The following KIF16B variants were observed in gnomAD, a reference collection of about 807,000 sequenced individuals.
KIF16B encodes the protein kinesin family member 16B.
KIF16B carries 98 observed loss-of-function variants against 156.3 expected under a neutral mutation model. That is an observed-to-expected ratio of 0.63 (90% CI 0.53 to 0.74). The LOEUF is 0.74. Among genes scored for constraint, KIF16B ranks in the 30% least tolerant of loss-of-function variants. KIF16B has a pLI of 0.00. For synonymous variants in KIF16B, 564 were observed against 583.7 expected, an observed-to-expected ratio of 0.97 and a Z score of 0.49; for missense variants, 1,421 against 1,606.5, an observed-to-expected ratio of 0.88 and a Z score of 1.97.
At chr20:16,563,749 C>A (rs999503653) in intron 1 of KIF16B, among the ~76,000 whole-genome samples, 9 of 152,182 alleles carry the variant, frequency 5.9e-5, no homozygotes, top group Non-Finnish European at 1.2e-4. Flanking sequence ...AAGTTTAAAA[C>A]CAAATTATGT....
intron 17 of KIF16B, among the ~76,000 whole-genome samples, chr20:16,386,717 G>A (rs2065239163): frequency 6.6e-6 from 1 of 152,012 alleles, no homozygotes; most frequent in Admixed American, 6.6e-5. Context: ...GGCAGGAAAG[G>A]AAAGGGTAGC....
At chr20:16,353,553 C>A (rs978606897) in intron 23 of KIF16B, among the ~76,000 whole-genome samples, 12 of 152,152 alleles carry the variant, frequency 7.9e-5, no homozygotes, top group Non-Finnish European at 1.2e-4. Flanking sequence ...CATACAAACT[C>A]ATCCACTCCT....
At chr20:16,314,489 G>A (rs1276766149) in intron 24 of KIF16B, among the ~76,000 whole-genome samples, 1 of 152,170 alleles carries the variant, frequency 6.6e-6, no homozygotes, top group African/African-American at 2.4e-5. Flanking sequence ...CCAATGTTTA[G>A]TTGGCTGACA....
At chr20:16,474,710 G>A (rs2067761498) in intron 12 of KIF16B, among the ~76,000 whole-genome samples, 1 of 152,138 alleles carries the variant, frequency 6.6e-6, no homozygotes, top group Non-Finnish European at 1.5e-5. Flanking sequence ...AAAACCATAA[G>A]GGAGAGACCA....
At chr20:16,403,837 T>C (rs1387674015) in intron 17 of KIF16B, among the ~76,000 whole-genome samples, 2 of 152,166 alleles carry the variant, frequency 1.3e-5, no homozygotes, top group Non-Finnish European at 2.9e-5. Flanking sequence ...GCTTGATGTT[T>C]GTGAGAAATC....
chr20:16,553,889 C>T (rs1447175534), intron 1 of KIF16B, among the ~76,000 whole-genome samples: 4 of 152,186 alleles, frequency 2.6e-5, no homozygotes. Context: ...CCTGCACTGT[C>T]GCAGCCCAGC....
intron 16 of KIF16B, 96 bp from the exon 17 acceptor site, chr20:16,404,997 T>C (rs1397382547): frequency 7.5e-6 from 6 of 805,264 alleles, no homozygotes; most frequent in Non-Finnish European, 1.3e-5. Context: ...GACAATGAGG[T>C]GCACATGCTC....
chr20:16,412,513 T>A (rs1182649774), intron 15 of KIF16B, among the ~76,000 whole-genome samples: 1 of 152,170 alleles, frequency 6.6e-6, no homozygotes, highest in Non-Finnish European at 1.5e-5. Context: ...TGACTCACAG[T>A]TCAGCATAGC....
intron 15 of KIF16B, among the ~76,000 whole-genome samples, chr20:16,410,388 C>T (rs2065924567): frequency 6.7e-6 from 1 of 150,224 alleles, no homozygotes. Flanking sequence ...CACACATATA[C>T]AGGTTGACTA....
chr20:16,353,110 C>T (rs1265110022), intron 23 of KIF16B, among the ~76,000 whole-genome samples: 4 of 151,988 alleles, frequency 2.6e-5, no homozygotes, highest in Non-Finnish European at 4.4e-5. Flanking sequence ...GTTAAATCTC[C>T]CTTCAAAAAA....
chr20:16,276,549 C>T (rs567558314), intron 25 of KIF16B, among the ~76,000 whole-genome samples: 9 of 152,266 alleles, frequency 5.9e-5, no homozygotes, highest in East Asian at 3.9e-4. Context: ...GCTTCCTTGG[C>T]GCAAAGAAAT....
chr20:16,314,748 C>A (rs2063671636), intron 24 of KIF16B, among the ~76,000 whole-genome samples: 1 of 152,176 alleles, frequency 6.6e-6, no homozygotes, highest in Non-Finnish European at 1.5e-5. Flanking sequence ...GAGCAAGTGG[C>A]ACGCCCACAT....
intron 15 of KIF16B, among the ~76,000 whole-genome samples, chr20:16,421,655 G>T (rs1669014826): frequency 6.6e-6 from 1 of 152,052 alleles, no homozygotes. Context: ...GTAATTAAAA[G>T]AAAAGTTATC....
chr20:16,502,577 C>T (rs1201720550), intron 10 of KIF16B, among the ~76,000 whole-genome samples: 2 of 152,034 alleles, frequency 1.3e-5, no homozygotes, highest in Non-Finnish European at 2.9e-5. Flanking sequence ...CCCTTAAACA[C>T]AGCAGTGGTA....
intron 12 of KIF16B, among the ~76,000 whole-genome samples, chr20:16,464,187 G>A (rs570040838): frequency 2.0e-5 from 3 of 152,154 alleles, no homozygotes; most frequent in African/African-American, 7.2e-5. Context: ...CCACACTGGA[G>A]GCATTTTTAA....
chr20:16,417,280 C>A (rs1348842788), intron 15 of KIF16B, among the ~76,000 whole-genome samples: 2 of 152,122 alleles, frequency 1.3e-5, no homozygotes, highest in Non-Finnish European at 2.9e-5. Context: ...AACTAAGCGA[C>A]AGACCACTGC....
At chr20:16,503,294 T>C (rs1225264354) in intron 10 of KIF16B, among the ~76,000 whole-genome samples, 1 of 152,170 alleles carries the variant, frequency 6.6e-6, no homozygotes, top group Non-Finnish European at 1.5e-5. Context: ...AAGGGCCTCA[T>C]CACGTGGAGC....
In KIF16B at chr20:16,294,664, G is replaced by GAGAAAAGCTA. The variant is rs201303624; in HGVS notation, c.3795+17661_3795+17670dup. Among the ~76,000 whole-genome samples, 1,337 of 152,264 alleles carry GAGAAAAGCTA rather than the reference G, an allele frequency of 8.8e-3. 21 individuals are homozygous for GAGAAAAGCTA. Among genetic ancestry groups the GAGAAAAGCTA allele is most frequent in the African/African-American group, 0.028 (1,162 of 41,544 alleles). On this transcript the variant is annotated intron_variant, in intron 25 of 25. Coordinates refer to ENST00000354981, the MANE Select transcript of KIF16B (RefSeq NM_024704.5). ...GCCTTGGCTTCAGAAAAGGGTGAGG[G>GAGAAAAGCTA]AGAAAAGCTAACAGACCTGGTGGGG...
At position 16,553,881 on chromosome 20, in the gene KIF16B, T is replaced by C. The variant is rs1426230187; in HGVS notation, c.47+19348A>G. ...AGGAGCCCAAAGCAGGAAGGAGTCCTGCACTGTCGCAGCCCAGCCAGGTGT... is the reference window on the plus strand; with the variant it reads ...AGGAGCCCAAAGCAGGAAGGAGTCCCGCACTGTCGCAGCCCAGCCAGGTGT... On this transcript the variant is annotated intron_variant, in intron 1 of 25. Transcript: ENST00000354981. Among the ~76,000 whole-genome samples, 4 of 152,164 alleles carry C rather than the reference T, an allele frequency of 2.6e-5. No individual in the cohort carries two copies. In the East Asian group the frequency reaches 5.8e-4, roughly 22 times the overall value.
Sources: allele counts gnomAD v4.1 joint callset (sites outside exome capture counted in the v4.1 genomes callset), GRCh38; gene constraint gnomAD v4.1.1; transcripts MANE v1.5; gene names NCBI Gene and HGNC (gene_info 2026-07-23, HGNC 2026-07-21).